Variants in PCLO observed in about 807,000 individuals in gnomAD.
PCLO encodes the protein piccolo presynaptic cytomatrix protein, also known as protein piccolo.
In PCLO, 82 loss-of-function variants were observed where a neutral mutation model predicts 427.5. The observed-to-expected ratio is 0.19, with a 90% CI of 0.16 to 0.23. PCLO has a LOEUF of 0.23. Ranked by LOEUF, PCLO falls within the 10% of genes least tolerant of loss-of-function variation. The pLI is 1.00. For missense variants in PCLO, 6,239 were observed against 6,115.9 expected (o/e 1.02, Z -0.67); for synonymous variants, 2,357 against 2,155.4 (o/e 1.09, Z -2.59).
intron 3 of PCLO, among the ~76,000 whole-genome samples, chr7:83,075,675 C>T (rs1338503702): frequency 6.6e-6 from 1 of 152,064 alleles, no homozygotes; most frequent in Non-Finnish European, 1.5e-5. Context: ...CAGTGATGTT[C>T]TCTGTGTAAT....
intron 3 of PCLO, among the ~76,000 whole-genome samples, chr7:83,072,766 C>T (rs1789851629): frequency 1.3e-5 from 2 of 152,068 alleles, no homozygotes; most frequent in Admixed American, 6.6e-5. Context: ...CATGTTTCCA[C>T]TTGCTGATGC....
intron 3 of PCLO, among the ~76,000 whole-genome samples, chr7:83,009,039 C>G (rs1326726063): frequency 2.0e-5 from 3 of 151,524 alleles, no homozygotes; most frequent in East Asian, 3.9e-4. Flanking sequence ...ATATCCCATA[C>G]AGAAAAATTA....
chr7:83,077,936 C>T (rs543541043), intron 3 of PCLO, among the ~76,000 whole-genome samples: 1 of 152,048 alleles, frequency 6.6e-6, no homozygotes, highest in African/African-American at 2.4e-5. Flanking sequence ...ATCCTCTCAA[C>T]AATTGATTGA....
intron 3 of PCLO, among the ~76,000 whole-genome samples, chr7:83,008,795 T>C (rs970956936): frequency 3.3e-5 from 5 of 151,766 alleles, no homozygotes; most frequent in Non-Finnish European, 4.4e-5. Context: ...TTGGTATACA[T>C]AGACAAAAAT....
chr7:82,850,973 CCTAA>C (rs780295422), intron 10 of PCLO, among the ~76,000 whole-genome samples: 5 of 152,006 alleles, frequency 3.3e-5, no homozygotes, highest in Non-Finnish European at 2.9e-5. Flanking sequence ...TAATATATTA[CCTAA>C]CTGTCATCAT....
intron 10 of PCLO, among the ~76,000 whole-genome samples, chr7:82,855,872 T>A (rs1316000399): frequency 2.6e-5 from 4 of 152,192 alleles, no homozygotes; most frequent in African/African-American, 9.6e-5. Flanking sequence ...CCAAAGGAAG[T>A]AGGGACCAGC....
intron 3 of PCLO, among the ~76,000 whole-genome samples, chr7:82,971,124 C>A (rs2115700141): frequency 6.6e-6 from 1 of 151,868 alleles, no homozygotes; most frequent in Non-Finnish European, 1.5e-5. Flanking sequence ...TAAATAGCCA[C>A]ACCATGACAT....
chr7:83,099,128 A>G lies in PCLO; in HGVS notation c.3300+35122T>C, dbSNP rs1366078127. 3.3e-5 allele frequency among the ~76,000 whole-genome samples: 5 copies of G among 151,592 alleles called. No individual in the cohort carries two copies. In the East Asian group the frequency reaches 9.7e-4, roughly 30 times the overall value. ...TTAATAGGTTAAAAGTATCAGGCAA[A>G]GGAATTTCAAATCTCTTCTGTAGAC... On this transcript the variant is annotated intron_variant, in intron 3 of 24. Coordinates refer to ENST00000333891, the MANE Select transcript of PCLO (RefSeq NM_033026.6).
At chr7:82,930,445 T>A (rs1794815145) in intron 6 of PCLO, among the ~76,000 whole-genome samples, 1 of 152,156 alleles carries the variant, frequency 6.6e-6, no homozygotes, top group African/African-American at 2.4e-5. Flanking sequence ...AATATGTATT[T>A]ATTAGAAGAC....
chr7:82,763,871 C>T (rs183729967), intron 22 of PCLO, among the ~76,000 whole-genome samples: 119 of 151,990 alleles, frequency 7.8e-4, no homozygotes, highest in African/African-American at 2.7e-3. Flanking sequence ...ATTTTATATC[C>T]AGCTAACCTG....
At chr7:82,982,226 A>C (rs995391644) in intron 3 of PCLO, among the ~76,000 whole-genome samples, 1 of 152,148 alleles carries the variant, frequency 6.6e-6, no homozygotes, top group African/African-American at 2.4e-5. Context: ...GCAGAGAAAA[A>C]GAAAATATGA....
chr7:83,061,145 T>G (rs551572025), intron 3 of PCLO, among the ~76,000 whole-genome samples: 1 of 152,162 alleles, frequency 6.6e-6, no homozygotes, highest in Non-Finnish European at 1.5e-5. Flanking sequence ...CATAACTGAG[T>G]TCTCTGCTCT....
intron 3 of PCLO, among the ~76,000 whole-genome samples, chr7:83,088,493 T>C (rs928921127): frequency 6.6e-6 from 1 of 152,156 alleles, no homozygotes; most frequent in Non-Finnish European, 1.5e-5. Flanking sequence ...TCCACTTCAT[T>C]GTTTCTATCG....
chr7:83,018,605 C>T (rs191441209), intron 3 of PCLO, among the ~76,000 whole-genome samples: 1 of 151,960 alleles, frequency 6.6e-6, no homozygotes, highest in Non-Finnish European at 1.5e-5. Flanking sequence ...TCATTATAAA[C>T]TCCATTTCAA....
At chr7:82,996,811 G>T (rs2115879382) in intron 3 of PCLO, among the ~76,000 whole-genome samples, 1 of 151,988 alleles carries the variant, frequency 6.6e-6, no homozygotes, top group African/African-American at 2.4e-5. Context: ...TTCAAAGAAG[G>T]ACACATGTGT....
At chr7:82,899,745 A>AT (rs1293406239) in intron 9 of PCLO, among the ~76,000 whole-genome samples, 5 of 151,556 alleles carry the variant, frequency 3.3e-5, no homozygotes, top group Admixed American at 6.6e-5. Flanking sequence ...GCTGGCATTT[A>AT]TTTTTGTAAT....
Position 82,956,254 on chromosome 7 carries a change from C to T in PCLO, c.4699G>A (p.Glu1567Lys). Reference sequence around the variant, plus strand: ...TCATCTTCAGAACCTGAAGCATCTTCATCAGCACTCATTTCTATGATTTGT... The same window carrying T: ...TCATCTTCAGAACCTGAAGCATCTTTATCAGCACTCATTTCTATGATTTGT... ...RKQIIEMSAD[E>K]DASGSEDDEF... is the part of the protein sequence containing the mutation. The change falls in exon 5 of 25, where the codon GAA becomes AAA. Residue 1567 changes from glutamate to lysine, a missense_variant. Coordinates refer to ENST00000333891, the MANE Select transcript of PCLO (RefSeq NM_033026.6). 1 of 1,611,990 alleles carries T rather than the reference C, an allele frequency of 6.2e-7. No homozygotes were observed. Among genetic ancestry groups the T allele is most frequent in the Non-Finnish European group, 8.5e-7 (1 of 1,179,862 alleles).
intron 3 of PCLO, among the ~76,000 whole-genome samples, chr7:82,975,447 T>C (rs188299270): frequency 1.3e-5 from 2 of 152,164 alleles, no homozygotes; most frequent in Admixed American, 6.5e-5. Flanking sequence ...CTGAAATGCA[T>C]AGAAGGTGGG....
intron 3 of PCLO, among the ~76,000 whole-genome samples, chr7:83,000,306 A>AGAGAG: frequency 6.9e-6 from 1 of 144,334 alleles, no homozygotes; most frequent in African/African-American, 2.6e-5. Flanking sequence ...AGAGAGAGAG[A>AGAGAG]AAATAAACCA....
Sources: gnomAD v4.1 joint callset for allele counts (sites outside exome capture counted in the v4.1 genomes callset) on GRCh38, gnomAD v4.1.1 for gene constraint, MANE v1.5 for transcripts, NCBI Gene and HGNC (gene_info 2026-07-23, HGNC 2026-07-21) for gene names.